Variants in SYN1 observed in about 807,000 individuals in gnomAD.
SYN1 encodes the protein synapsin I.
Under a neutral mutation model 44.6 loss-of-function variants are expected in SYN1, and 8 were observed. That is an observed-to-expected ratio of 0.18 (90% CI 0.11 to 0.32). The LOEUF is 0.32. SYN1 is among the 10% of genes least tolerant of loss of function. The pLI is 1.00. For missense variants in SYN1, 451 were observed against 639.4 expected (o/e 0.71, Z 3.18); for synonymous variants, 275 against 280.1 (o/e 0.98, Z 0.18).
intron 5 of SYN1, 34 bp downstream of exon 5, chrX:47,604,944 T>C (rs756460673): frequency 4.4e-6 from 5 of 1,134,859 alleles, no homozygotes; most frequent in Non-Finnish European, 6.0e-6. Context: ...TTATGACTCT[T>C]CCCTCCTGCC....
At chrX:47,599,690 TA>T (rs2057874220) in intron 5 of SYN1, among the ~76,000 whole-genome samples, 1 of 112,229 alleles carries the variant, frequency 8.9e-6, no homozygotes, top group African/African-American at 3.2e-5. Flanking sequence ...GTGAAAATAA[TA>T]ATAAAAATGA....
At chrX:47,604,885 T>G in intron 5 of SYN1, 93 bp downstream of exon 5, 1 of 841,153 alleles carries the variant, frequency 1.2e-6, no homozygotes, top group Non-Finnish European at 1.7e-6. Flanking sequence ...GCCACACTCT[T>G]GATATCGCAC....
chrX:47,589,070 G>C (rs779707606), intron 5 of SYN1, among the ~76,000 whole-genome samples: 4 of 110,897 alleles, frequency 3.6e-5, no homozygotes, highest in Non-Finnish European at 7.6e-5. Context: ...GGGAGGCCAA[G>C]GTGGGCAGAT....
At chrX:47,590,060 C>T (rs1008384503) in intron 5 of SYN1, 5 of 110,881 alleles carry the variant, frequency 4.5e-5, no homozygotes, top group Non-Finnish European at 9.4e-5. Context: ...TGGGGTAGGT[C>T]TCCGAGACCC....
intron 5 of SYN1, among the ~76,000 whole-genome samples, chrX:47,578,149 C>T (rs2057783986): frequency 9.0e-6 from 1 of 110,698 alleles, no homozygotes; most frequent in Non-Finnish European, 1.9e-5. Context: ...CAGGGCAGCA[C>T]ACACTGGACA....
intron 5 of SYN1, among the ~76,000 whole-genome samples, chrX:47,600,524 T>C (rs1457953435): frequency 8.9e-6 from 1 of 111,831 alleles, no homozygotes; most frequent in Non-Finnish European, 1.9e-5. Context: ...AAAAATGCTA[T>C]AAACCAATTA....
intron 1 of SYN1, among the ~76,000 whole-genome samples, chrX:47,618,167 T>C (rs756850486): frequency 1.4e-4 from 16 of 112,291 alleles, no homozygotes; most frequent in Non-Finnish European, 2.4e-4. Context: ...ATCTGAGCAC[T>C]GTATTAACTG....
At chrX:47,609,517 A>T (rs1199487518) in intron 1 of SYN1, among the ~76,000 whole-genome samples, 1 of 111,870 alleles carries the variant, frequency 8.9e-6, no homozygotes, top group African/African-American at 3.3e-5. Context: ...TCCCAATGGC[A>T]CACTCCAGTA....
At chrX:47,616,419 G>A (rs2057931587) in intron 1 of SYN1, among the ~76,000 whole-genome samples, 1 of 111,603 alleles carries the variant, frequency 9.0e-6, no homozygotes, top group Non-Finnish European at 1.9e-5. Context: ...AAAGGGGAAG[G>A]GACTTGTCAG....
At chrX:47,580,085 T>C (rs1430165538) in intron 5 of SYN1, among the ~76,000 whole-genome samples, 2 of 109,965 alleles carry the variant, frequency 1.8e-5, no homozygotes, top group Non-Finnish European at 3.8e-5. Flanking sequence ...GTACTCTTAT[T>C]ATTGGCTTAA....
chrX:47,577,964 T>G (rs1026478434), intron 5 of SYN1, among the ~76,000 whole-genome samples: 22 of 110,149 alleles, frequency 2.0e-4, no homozygotes, highest in African/African-American at 7.0e-4. Flanking sequence ...CATAAACTAT[T>G]GAGAGGCATG....
chrX:47,580,559 A>T (rs2057793969), intron 5 of SYN1, among the ~76,000 whole-genome samples: 1 of 107,490 alleles, frequency 9.3e-6, no homozygotes, highest in African/African-American at 3.4e-5. Flanking sequence ...TGAACCCAGG[A>T]GGTGGAGGTT....
Position 47,604,960 on chromosome X carries a change from T to C in SYN1, c.774+18A>G. Reference sequence around the variant, plus strand: ...TATGACTCTTCCCTCCTGCCCACTCTATTTTCCCCAAACTCACCATTTCTT... The same window carrying C: ...TATGACTCTTCCCTCCTGCCCACTCCATTTTCCCCAAACTCACCATTTCTT... On this transcript the variant is annotated intron_variant, in intron 5 of 12. Transcript: ENST00000295987. 1 of 1,192,138 alleles carries C rather than the reference T, an allele frequency of 8.4e-7. No individual in the cohort carries two copies. The highest frequency in any genetic ancestry group is 3.0e-5 in the East Asian group (1 of 33,796).
At position 47,574,301 on chromosome X, in the gene SYN1, T is replaced by G; in HGVS notation, c.1683A>C (p.Pro561=). Residue 561 remains proline, a synonymous_variant, in exon 12 of 13, where the codon CCA becomes CCC. Transcript: ENST00000295987. ...SPSPQRQAGP[P]QATRQTSVSG... ...AGACGGATGTCTGACGGGTAGCCTG[T>G]GGGGGGCCCGCCTGGCGCTGGGGAG... 1 of 1,093,072 alleles carries G rather than the reference T, an allele frequency of 9.1e-7. No homozygotes were observed. Among genetic ancestry groups the G allele is most frequent in the South Asian group, 2.2e-5 (1 of 45,191 alleles). 90.1% of individuals were successfully genotyped at this position (1,093,072 alleles called of 1,213,427 possible). A position where few individuals can be genotyped will look rare whatever the true frequency, so the allele number is the denominator to read the frequency against.
Position 47,574,888 on chromosome X carries a change from A to G in SYN1, c.1306-113T>C. 3.7e-6 allele frequency: 3 copies of G among 801,774 alleles called. No homozygotes were observed. The East Asian group carries it at 1.1e-4, about 29-fold the overall frequency. The allele number at this position is 801,774 out of a possible 1,213,427, so 66.1% of individuals were successfully genotyped here. On this transcript the variant is annotated intron_variant, in intron 10 of 12. Coordinates refer to ENST00000295987, the MANE Select transcript of SYN1 (RefSeq NM_006950.3). ...CTGGGTGTTGCCCCACTTGTGGCTG[A>G]GCTGAGGGTACTCTGGGTTGTGGGG... is the stretch of plus-strand genomic sequence containing the variant.
intron 5 of SYN1, among the ~76,000 whole-genome samples, chrX:47,590,720 C>T (rs2057845042): frequency 9.0e-6 from 1 of 110,513 alleles, no homozygotes; most frequent in South Asian, 3.8e-4. Flanking sequence ...GAGTGAGTCC[C>T]TCAGGGACTC....
At chrX:47,596,623 C>CA (rs1246418900) in intron 5 of SYN1, among the ~76,000 whole-genome samples, 5 of 112,626 alleles carry the variant, frequency 4.4e-5, no homozygotes, top group Non-Finnish European at 9.4e-5. Flanking sequence ...TAGCTGACCA[C>CA]TAAGCTAACG....
chrX:47,586,486 G>T (rs1223979820), intron 5 of SYN1: 2 of 1,198,388 alleles, frequency 1.7e-6, no homozygotes, highest in Admixed American at 4.4e-5. Context: ...GAGGCAGGGA[G>T]AAGCCCTCAG....
At chrX:47,577,389 G>A (rs1350402719) in intron 6 of SYN1, 50 bp downstream of exon 6, 4 of 1,133,914 alleles carry the variant, frequency 3.5e-6, no homozygotes, top group Non-Finnish European at 4.8e-6. Context: ...TGACTGGTGT[G>A]CATTGCACAA....
Sources: allele counts gnomAD v4.1 joint callset (sites outside exome capture counted in the v4.1 genomes callset), GRCh38; gene constraint gnomAD v4.1.1; transcripts MANE v1.5; gene names NCBI Gene and HGNC (gene_info 2026-07-23, HGNC 2026-07-21).